The following ZNF423 variants were observed in gnomAD, a reference collection of about 807,000 sequenced individuals.
ZNF423 encodes the protein zinc finger protein 423.
In ZNF423, 12 loss-of-function variants were observed where a neutral mutation model predicts 95.8. The observed-to-expected ratio is 0.13, with a 90% CI of 0.08 to 0.20. ZNF423 has a LOEUF of 0.20. ZNF423 is among the 10% of genes least tolerant of loss of function. ZNF423 has a pLI of 1.00. For missense variants in ZNF423, 1,316 were observed against 1,737.1 expected (o/e 0.76, Z 4.31); for synonymous variants, 749 against 711.9 (o/e 1.05, Z -0.83).
At chr16:49,657,393 C>T (rs997290858) in intron 3 of ZNF423, among the ~76,000 whole-genome samples, 6 of 152,210 alleles carry the variant, frequency 3.9e-5, no homozygotes, top group South Asian at 2.1e-4. Context: ...TGGAAGGGAA[C>T]GCTGAGGGAC....
intron 3 of ZNF423, among the ~76,000 whole-genome samples, chr16:49,723,723 T>C (rs1013574927): frequency 6.6e-6 from 1 of 152,212 alleles, no homozygotes; most frequent in Non-Finnish European, 1.5e-5. Context: ...CCTGATCCAC[T>C]TGGGATTGAG....
In ZNF423 at chr16:49,553,408, G is replaced by A. The variant is rs116223372; in HGVS notation, c.3602-27914C>T. 4.0e-3 allele frequency among the ~76,000 whole-genome samples: 599 copies of A among 151,060 alleles called. 3 individuals carry two copies. The highest frequency in any genetic ancestry group is 0.013 in the African/African-American group (546 of 41,080). ...GCCACATAGGCTGGAGTGCAATAAT[G>A]CAATCATAGCTCACCGAAGCTTTGA... On this transcript the variant is annotated intron_variant, in intron 5 of 7. Transcript: ENST00000563137.
At chr16:49,686,458 C>T (rs568031801) in intron 3 of ZNF423, among the ~76,000 whole-genome samples, 1 of 152,264 alleles carries the variant, frequency 6.6e-6, no homozygotes, top group East Asian at 1.9e-4. Flanking sequence ...TGTACAAAAA[C>T]CTTCTGGCCC....
At chr16:49,648,416 C>T (rs11076493) in intron 3 of ZNF423, among the ~76,000 whole-genome samples, 34,999 of 147,790 alleles carry the variant, frequency 0.24, 4,923 homozygotes, top group South Asian at 0.35. Flanking sequence ...CTGAGGCAGG[C>T]GGATCACCTG....
In ZNF423 at chr16:49,842,366, CAGGAAGGAAGGA is replaced by C. The variant is rs779305459; in HGVS notation, c.40+13357_40+13368del. On this transcript the variant is annotated intron_variant, in intron 1 of 7. Transcript: ENST00000563137. ...GGGAAGGGAAGGGAAGGGAGAGAGACAGGAAGGAAGGAAGGAAGGAAGGAAGGAAGGAAGGAA... is the reference window on the plus strand; with the variant it reads ...GGGAAGGGAAGGGAAGGGAGAGAGACAGGAAGGAAGGAAGGAAGGAAGGAA... 3.4e-4 allele frequency among the ~76,000 whole-genome samples: 22 copies of C among 65,154 alleles called. No homozygotes were observed. The East Asian group carries it at 5.1e-3, about 15-fold the overall frequency. The allele number at this position is 65,154 out of a possible 152,430, so 42.7% of individuals were successfully genotyped here.
chr16:49,618,837 C>T (rs1025205748), intron 5 of ZNF423, among the ~76,000 whole-genome samples: 1 of 152,090 alleles, frequency 6.6e-6, no homozygotes, highest in African/African-American at 2.4e-5. Flanking sequence ...ACTTCTCCCC[C>T]TCCCATGTCC....
chr16:49,561,470 A>G (rs1352963550), intron 5 of ZNF423, among the ~76,000 whole-genome samples: 1 of 152,068 alleles, frequency 6.6e-6, no homozygotes, highest in Non-Finnish European at 1.5e-5. Context: ...ACCTTTGTAT[A>G]CTCCCCTTAA....
At chr16:49,704,650 C>T (rs1567301472) in intron 3 of ZNF423, among the ~76,000 whole-genome samples, 1 of 152,186 alleles carries the variant, frequency 6.6e-6, no homozygotes, top group Non-Finnish European at 1.5e-5. Flanking sequence ...TGTTCCCAGG[C>T]TCCAGTAGAT....
At chr16:49,612,442 A>C (rs2151845875) in intron 5 of ZNF423, among the ~76,000 whole-genome samples, 1 of 150,576 alleles carries the variant, frequency 6.6e-6, no homozygotes, top group East Asian at 1.9e-4. Context: ...AACTTCAGGC[A>C]TTTGACAAAA....
At chr16:49,570,650 GA>G (rs1323599687) in intron 5 of ZNF423, among the ~76,000 whole-genome samples, 1 of 152,204 alleles carries the variant, frequency 6.6e-6, no homozygotes, top group Admixed American at 6.5e-5. Flanking sequence ...TAGCATGTTT[GA>G]TGTTATATAT....
At chr16:49,497,552 G>A (rs1040937717) in intron 7 of ZNF423, among the ~76,000 whole-genome samples, 2 of 152,060 alleles carry the variant, frequency 1.3e-5, no homozygotes, top group South Asian at 2.1e-4. Flanking sequence ...CTGCTCTCCC[G>A]GCCCCACCTG....
intron 5 of ZNF423, among the ~76,000 whole-genome samples, chr16:49,538,845 G>A (rs1202806547): frequency 6.6e-6 from 1 of 152,208 alleles, no homozygotes; most frequent in Non-Finnish European, 1.5e-5. Flanking sequence ...GAAATAAAAA[G>A]GTAGCTTTCA....
chr16:49,603,681 A>T lies in ZNF423; in HGVS notation c.3601+22489T>A, dbSNP rs1160123657. Among the ~76,000 whole-genome samples, 1 of 152,314 alleles carries T rather than the reference A, an allele frequency of 6.6e-6. No homozygotes were observed. The highest frequency in any genetic ancestry group is 1.9e-4 in the East Asian group (1 of 5,182). ...CACCTCGGCCTCCCAAAGTCCTGGGATTATGGGTGTAAGCCACCATGCCCG... is the reference window on the plus strand; with the variant it reads ...CACCTCGGCCTCCCAAAGTCCTGGGTTTATGGGTGTAAGCCACCATGCCCG... On this transcript the variant is annotated intron_variant, in intron 5 of 7. Transcript: ENST00000563137. The surrounding 1 kb of genome is among the most constrained non-coding windows in gnomAD (Gnocchi z 4.1).
intron 7 of ZNF423, among the ~76,000 whole-genome samples, chr16:49,523,116 G>A (rs1181871313): frequency 6.6e-6 from 1 of 152,168 alleles, no homozygotes; most frequent in African/African-American, 2.4e-5. Flanking sequence ...CCTTACCTGA[G>A]GGCCACATCA....
intron 2 of ZNF423, among the ~76,000 whole-genome samples, chr16:49,731,649 C>CA (rs34479098): frequency 0.089 from 13,076 of 146,290 alleles, 566 homozygotes; most frequent in East Asian, 0.11. Context: ...TCTATCTCTA[C>CA]AAAAAAAAAA....
intron 3 of ZNF423, among the ~76,000 whole-genome samples, chr16:49,697,153 A>G (rs1048804370): frequency 6.6e-6 from 1 of 152,162 alleles, no homozygotes; most frequent in Non-Finnish European, 1.5e-5. Context: ...GCCCTCACCA[A>G]GGTGGGATGG....
intron 1 of ZNF423, among the ~76,000 whole-genome samples, chr16:49,827,712 G>A (rs532032053): frequency 6.6e-6 from 1 of 152,242 alleles, no homozygotes; most frequent in East Asian, 1.9e-4. Flanking sequence ...TGTAGCAATA[G>A]GGTCTATGTT....
intron 1 of ZNF423, chr16:49,853,676 C>A (rs1057426499): frequency 8.4e-5 from 83 of 985,212 alleles, no homozygotes; most frequent in Non-Finnish European, 9.8e-5. Flanking sequence ...GAGGCACTCA[C>A]TAAAAATCAT....
At chr16:49,758,908 G>A (rs1349792821) in intron 2 of ZNF423, among the ~76,000 whole-genome samples, 1 of 152,200 alleles carries the variant, frequency 6.6e-6, no homozygotes, top group Non-Finnish European at 1.5e-5. Context: ...ATTCTTTCTG[G>A]AAGGAGAAAC....
Sources: gnomAD v4.1 joint callset for allele counts (sites outside exome capture counted in the v4.1 genomes callset) on GRCh38, gnomAD v4.1.1 for gene constraint, Gnocchi (gnomAD v3.1) non-coding constraint, MANE v1.5 for transcripts, NCBI Gene and HGNC (gene_info 2026-07-23, HGNC 2026-07-21) for gene names.